The following GABRG3 variants were observed in gnomAD, a reference collection of about 807,000 sequenced individuals.
GABRG3 encodes the protein gamma-aminobutyric acid type A receptor subunit gamma3.
Under a neutral mutation model 48.8 loss-of-function variants are expected in GABRG3, and 25 were observed. The observed-to-expected ratio is 0.51, with a 90% CI of 0.37 to 0.72. The LOEUF (loss-of-function observed/expected upper bound fraction) is 0.72, where lower values mean the gene tolerates loss of function less well. Among genes scored for constraint, GABRG3 ranks in the 30% least tolerant of loss-of-function variants. The probability of loss-of-function intolerance (pLI) is 0.00; values close to 1 mark genes in which losing one functional copy is unlikely to be tolerated. For missense variants in GABRG3, 394 were observed against 577.9 expected (o/e 0.68, Z 3.26); for synonymous variants, 227 against 217.6 (o/e 1.04, Z -0.38).
At chr15:27,410,344 T>C (rs941306956) in intron 5 of GABRG3, among the ~76,000 whole-genome samples, 8 of 152,180 alleles carry the variant, frequency 5.3e-5, no homozygotes, top group African/African-American at 1.9e-4. Context: ...TAAAAGATAC[T>C]ATAGTTTTTT....
intron 2 of GABRG3, among the ~76,000 whole-genome samples, chr15:27,005,577 A>G (rs192397869): frequency 6.2e-4 from 94 of 152,262 alleles, no homozygotes; most frequent in African/African-American, 1.9e-3. Flanking sequence ...TAGAACTGGA[A>G]GAAGCTTCAG....
At chr15:27,391,744 T>C (rs1414302581) in intron 5 of GABRG3, among the ~76,000 whole-genome samples, 1 of 152,258 alleles carries the variant, frequency 6.6e-6, no homozygotes, top group Non-Finnish European at 1.5e-5. Flanking sequence ...CAATCAAAAC[T>C]GGACCAGGCT....
rs111556911 is a variant in GABRG3, at chr15:27,527,736, C to T, written c.1062+107C>T. The stretch of plus-strand genomic sequence containing the variant: ...CCTAAGGATCGTACAAAGCATGATA[C>T]AAATACCCAGTTCAACAAGACTTTT... On this transcript the variant is annotated intron_variant, in intron 8 of 9. Transcript: ENST00000615808. 4.1e-4 allele frequency: 478 copies of T among 1,158,942 alleles called. 2 individuals are homozygous for T. In the African/African-American group the frequency reaches 6.0e-3, roughly 15 times the overall value. 71.8% of individuals were successfully genotyped at this position (1,158,942 alleles called of 1,614,324 possible).
intron 2 of GABRG3, among the ~76,000 whole-genome samples, chr15:27,003,975 G>C (rs1265364120): frequency 6.7e-6 from 1 of 149,392 alleles, no homozygotes; most frequent in Non-Finnish European, 1.5e-5. Flanking sequence ...CTGGCCGGGC[G>C]GGGGGCTGAC....
chr15:27,026,704 C>G, intron 2 of GABRG3, 50 bp from the exon 3 acceptor site: 1 of 1,408,434 alleles, frequency 7.1e-7, no homozygotes, highest in South Asian at 1.3e-5. Context: ...GTGCTCTCCT[C>G]TGTCTTTCTC....
intron 3 of GABRG3, among the ~76,000 whole-genome samples, chr15:27,186,916 T>G (rs912955042): frequency 6.6e-6 from 1 of 152,172 alleles, no homozygotes; most frequent in Non-Finnish European, 1.5e-5. Context: ...GTGCAGAAGG[T>G]CTTTAATTAG....
chr15:27,267,267 T>G (rs1414764939), intron 3 of GABRG3, among the ~76,000 whole-genome samples: 1 of 151,760 alleles, frequency 6.6e-6, no homozygotes, highest in Non-Finnish European at 1.5e-5. Context: ...CCACCATGCC[T>G]GGCTAATTTT....
chr15:27,369,484 G>T (rs1392234941), intron 5 of GABRG3, among the ~76,000 whole-genome samples: 1 of 152,174 alleles, frequency 6.6e-6, no homozygotes, highest in African/African-American at 2.4e-5. Context: ...AGATATTCTA[G>T]GAATATCTTT....
chr15:27,463,682 A>T (rs1889517608), intron 5 of GABRG3, among the ~76,000 whole-genome samples: 1 of 152,178 alleles, frequency 6.6e-6, no homozygotes, highest in Non-Finnish European at 1.5e-5. Flanking sequence ...ATGTGAGCTC[A>T]GAAGTGTGTG....
At chr15:27,305,667 A>G (rs1243172202) in intron 3 of GABRG3, among the ~76,000 whole-genome samples, 1 of 121,544 alleles carries the variant, frequency 8.2e-6, no homozygotes, top group Non-Finnish European at 1.7e-5. Flanking sequence ...TATATAATAT[A>G]AACCTATATG....
intron 3 of GABRG3, among the ~76,000 whole-genome samples, chr15:27,048,989 G>C (rs1363809027): frequency 6.6e-6 from 1 of 152,264 alleles, no homozygotes; most frequent in East Asian, 1.9e-4. Context: ...ACGGGGCTCT[G>C]TGAGCCTCGG....
intron 9 of GABRG3, among the ~76,000 whole-genome samples, 168 bp from the exon 10 acceptor site, chr15:27,532,432 A>G (rs1891444909): frequency 6.6e-6 from 1 of 151,032 alleles, no homozygotes; most frequent in Non-Finnish European, 1.5e-5. Context: ...AAAACCAAAA[A>G]AAAAAAAAAA....
At chr15:27,050,153 C>T (rs1896433020) in intron 3 of GABRG3, among the ~76,000 whole-genome samples, 1 of 152,178 alleles carries the variant, frequency 6.6e-6, no homozygotes, top group South Asian at 2.1e-4. Flanking sequence ...GAGATTTAGT[C>T]TCTATATTGG....
At chr15:27,523,028 A>G (rs1891194585) in intron 7 of GABRG3, among the ~76,000 whole-genome samples, 1 of 151,894 alleles carries the variant, frequency 6.6e-6, no homozygotes, top group Non-Finnish European at 1.5e-5. Context: ...CCTAATAATT[A>G]CATCATGAAA....
At chr15:27,308,300 T>TATAAA (rs1566773727) in intron 3 of GABRG3, among the ~76,000 whole-genome samples, 1 of 115,606 alleles carries the variant, frequency 8.7e-6, no homozygotes, top group African/African-American at 5.1e-5. Flanking sequence ...TATATAAACA[T>TATAAA]CATATAAACA....
At position 26,996,501 on chromosome 15, in the gene GABRG3, CTG is replaced by C. The variant is rs1274411351; in HGVS notation, c.202+19355_202+19356del. ...TCTTGCGGCTTCCAAGATTTTCTCT[CTG>C]TGTTTCAACATTTTGACTATGTTGT... On this transcript the variant is annotated intron_variant, in intron 2 of 9. Transcript: ENST00000615808. Among the ~76,000 whole-genome samples the C allele has an allele frequency of 7.2e-5, 11 of 152,164 alleles. No homozygotes were observed. In the East Asian group the frequency reaches 1.7e-3, roughly 24 times the overall value.
chr15:27,455,783 T>C (rs1486334853), intron 5 of GABRG3, among the ~76,000 whole-genome samples: 6 of 151,204 alleles, frequency 4.0e-5, no homozygotes, highest in Admixed American at 4.0e-4. Flanking sequence ...TGTGTGTGCA[T>C]TTGTATATAT....
chr15:27,339,494 C>T (rs151197207), intron 5 of GABRG3, among the ~76,000 whole-genome samples: 2 of 152,350 alleles, frequency 1.3e-5, no homozygotes, highest in East Asian at 1.9e-4. Context: ...CCTTCTCCCA[C>T]CCCTTCCTGT....
intron 3 of GABRG3, among the ~76,000 whole-genome samples, chr15:27,085,147 A>G (rs922555895): frequency 1.3e-5 from 2 of 152,244 alleles, no homozygotes; most frequent in African/African-American, 4.8e-5. Flanking sequence ...TGGTGTGAAC[A>G]GTCATTCTGA....
Sources: allele counts gnomAD v4.1 joint callset (sites outside exome capture counted in the v4.1 genomes callset), GRCh38; gene constraint gnomAD v4.1.1; transcripts MANE v1.5; gene names NCBI Gene and HGNC (gene_info 2026-07-23, HGNC 2026-07-21).